Variants in CIAO2A observed in about 807,000 individuals in gnomAD.
CIAO2A encodes the protein cytosolic iron-sulfur assembly component 2A.
In CIAO2A, 17 loss-of-function variants were observed where a neutral mutation model predicts 22.4. The ratio of observed to expected loss-of-function variants is 0.76; its 90% CI spans 0.52 to 1.14. The LOEUF (loss-of-function observed/expected upper bound fraction) is 1.14. Ranked by LOEUF, CIAO2A falls within the 50% of genes most tolerant of loss-of-function variation. The pLI, the probability that CIAO2A is intolerant of heterozygous loss-of-function variation, is 0.00. For missense variants in CIAO2A, 192 were observed against 191.4 expected (o/e 1.00, Z -0.02); for synonymous variants, 74 against 72.3 (o/e 1.02, Z -0.12).
Position 64,072,663 on chromosome 15 carries a change from G to A in CIAO2A, c.*268C>T, listed in dbSNP as rs987908026. ...ACACGAAAAATAGTTGTATCAGAAT[G>A]AGCATCAGAAAAATAGCAACTCATC... On this transcript the variant is annotated 3_prime_UTR_variant, in exon 5 of 5. Coordinates refer to ENST00000300030, the MANE Select transcript of CIAO2A (RefSeq NM_032231.7). 7.1e-6 allele frequency: 2 copies of A among 280,470 alleles called. No homozygotes were observed. The highest frequency in any genetic ancestry group is 2.2e-5 in the African/African-American group (1 of 45,736). The allele number at this position is 280,470 out of a possible 1,614,324, so 17.4% of individuals were successfully genotyped here.
chr15:64,089,672 T>C (rs904017360), intron 1 of CIAO2A, among the ~76,000 whole-genome samples: 1 of 152,124 alleles, frequency 6.6e-6, no homozygotes, highest in African/African-American at 2.4e-5. Flanking sequence ...CTCAAGAGGT[T>C]TGAGACAAGT....
intron 2 of CIAO2A, among the ~76,000 whole-genome samples, chr15:64,087,373 A>G (rs62023397): frequency 0.34 from 50,965 of 151,766 alleles, 11,259 homozygotes; most frequent in Non-Finnish European, 0.5. Flanking sequence ...TTACAGGCGT[A>G]AGCCACCGCG....
At chr15:64,074,980 GT>G (rs1227852020) in intron 4 of CIAO2A, 1 of 152,124 alleles carries the variant, frequency 6.6e-6, no homozygotes, top group Non-Finnish European at 1.5e-5. Context: ...AGAACATTTT[GT>G]TTTTTGCTTT....
At chr15:64,076,860 C>G (rs1280124196) in intron 3 of CIAO2A, among the ~76,000 whole-genome samples, 1 of 151,832 alleles carries the variant, frequency 6.6e-6, no homozygotes, top group Non-Finnish European at 1.5e-5. Context: ...CACTCCCACC[C>G]CTCTCCTCCC....
intron 1 of CIAO2A, among the ~76,000 whole-genome samples, chr15:64,091,285 G>A (rs2080837662): frequency 6.6e-6 from 1 of 152,080 alleles, no homozygotes; most frequent in Non-Finnish European, 1.5e-5. Context: ...AGGAGTTCAA[G>A]ACCAGCCTGG....
At chr15:64,083,240 T>C (rs2080770133) in intron 2 of CIAO2A, among the ~76,000 whole-genome samples, 1 of 151,970 alleles carries the variant, frequency 6.6e-6, no homozygotes, top group Admixed American at 6.6e-5. Flanking sequence ...TATACTATTT[T>C]ATAATTTTCA....
intron 2 of CIAO2A, among the ~76,000 whole-genome samples, chr15:64,084,195 GT>G (rs925278282): frequency 7.9e-5 from 12 of 151,662 alleles, no homozygotes; most frequent in African/African-American, 2.7e-4. Context: ...GCTTTTTCAT[GT>G]TTTTTTTCTT....
intron 1 of CIAO2A, among the ~76,000 whole-genome samples, 198 bp downstream of exon 1, chr15:64,093,447 C>T (rs1437398040): frequency 6.6e-6 from 1 of 151,996 alleles, no homozygotes; most frequent in African/African-American, 2.4e-5. Context: ...CCAGAAAGAC[C>T]CACACCCCCC....
chr15:64,075,738 C>T (rs2080712683), intron 3 of CIAO2A, among the ~76,000 whole-genome samples: 1 of 151,062 alleles, frequency 6.6e-6, no homozygotes, highest in Non-Finnish European at 1.5e-5. Context: ...GCAACCTCCG[C>T]CTCCTGGGTT....
intron 1 of CIAO2A, among the ~76,000 whole-genome samples, chr15:64,090,907 C>T (rs1001134581): frequency 1.3e-5 from 2 of 151,956 alleles, no homozygotes; most frequent in East Asian, 3.9e-4. Context: ...GGAGTGGGAT[C>T]AAATATTTAG....
intron 3 of CIAO2A, among the ~76,000 whole-genome samples, chr15:64,078,502 G>A (rs917070621): frequency 1.3e-5 from 2 of 152,144 alleles, no homozygotes; most frequent in African/African-American, 4.8e-5. Context: ...TGGGTGTGGT[G>A]GTATGCGCCT....
chr15:64,075,465 T>A, intron 4 of CIAO2A, 27 bp downstream of exon 4: 1 of 1,480,986 alleles, frequency 6.8e-7, no homozygotes, highest in African/African-American at 1.4e-5. Flanking sequence ...GAAGTTGTTT[T>A]TCAATTATGT....
chr15:64,085,922 C>G (rs2080791168), intron 2 of CIAO2A, among the ~76,000 whole-genome samples: 1 of 151,464 alleles, frequency 6.6e-6, no homozygotes, highest in South Asian at 2.1e-4. Flanking sequence ...GTTGGCCAGG[C>G]TGGTCTCAAA....
chr15:64,083,189 C>A (rs2080769559), intron 2 of CIAO2A, among the ~76,000 whole-genome samples: 1 of 150,846 alleles, frequency 6.6e-6, no homozygotes, highest in Admixed American at 6.6e-5. Context: ...AAAATAATTA[C>A]TATAAATAGT....
intron 3 of CIAO2A, among the ~76,000 whole-genome samples, chr15:64,077,564 T>G (rs1262400931): frequency 2.0e-5 from 3 of 152,174 alleles, no homozygotes; most frequent in Non-Finnish European, 4.4e-5. Flanking sequence ...GCCTCTGATG[T>G]GATGCAATGA....
intron 2 of CIAO2A, among the ~76,000 whole-genome samples, chr15:64,083,440 C>A (rs1185063610): frequency 6.6e-6 from 1 of 152,132 alleles, no homozygotes; most frequent in South Asian, 2.1e-4. Context: ...CCCTGCCTTA[C>A]CCTCTTGTTC....
At chr15:64,073,111 C>T (rs1434654280) in intron 4 of CIAO2A, 83 bp from the exon 5 acceptor site, 3 of 883,498 alleles carry the variant, frequency 3.4e-6, no homozygotes, top group Non-Finnish European at 5.3e-6. Flanking sequence ...CCTGCTGAAA[C>T]AAAAACTTTA....
Position 64,083,816 on chromosome 15 carries a change from C to T in CIAO2A, c.290-2665G>A, listed in dbSNP as rs541503862. On this transcript the variant is annotated intron_variant, in intron 2 of 4. Coordinates refer to ENST00000300030, the MANE Select transcript of CIAO2A (RefSeq NM_032231.7). ...AAAATTAGTTGGGCATGGTGGCACG[C>T]GCCTATGATCCCAGCTACTTGGAGG... Among the ~76,000 whole-genome samples the T allele has an allele frequency of 1.4e-4, 22 of 151,948 alleles. 1 individual carries two copies. The East Asian group carries it at 3.3e-3, about 23-fold the overall frequency.
At position 64,080,448 on chromosome 15, in the gene CIAO2A, C is replaced by T. The variant is rs142705477; in HGVS notation, c.339+654G>A. 6.8e-3 allele frequency among the ~76,000 whole-genome samples: 1,029 copies of T among 151,590 alleles called. 9 individuals are homozygous for T. Among genetic ancestry groups the T allele is most frequent in the African/African-American group, 0.024 (979 of 41,288 alleles). On this transcript the variant is annotated intron_variant, in intron 3 of 4. Transcript: ENST00000300030. ...CTGTAATCCCAGCACTTTGAGAGGC[C>T]GAGGCGGGTGGATCATGAGGTCAGG...
Sources: gnomAD v4.1 joint callset for allele counts (sites outside exome capture counted in the v4.1 genomes callset) on GRCh38, gnomAD v4.1.1 for gene constraint, MANE v1.5 for transcripts, NCBI Gene and HGNC (gene_info 2026-07-23, HGNC 2026-07-21) for gene names.